Variants in EPHA6 observed in about 807,000 individuals in gnomAD.
EPHA6 encodes ephrin type-A receptor 6.
A neutral mutation model predicts 112.0 loss-of-function variants in EPHA6; 50 were observed. That is an observed-to-expected ratio of 0.45 (90% CI 0.36 to 0.56). EPHA6 has a LOEUF of 0.56. Among genes scored for constraint, EPHA6 ranks in the 20% least tolerant of loss-of-function variants. The probability of loss-of-function intolerance (pLI) is 0.00; values close to 1 mark genes in which losing one functional copy is unlikely to be tolerated. For missense variants in EPHA6, 1,280 were observed against 1,417.4 expected (o/e 0.90, Z 1.56); for synonymous variants, 529 against 490.7 (o/e 1.08, Z -1.03).
At chr3:97,124,713 T>A (rs1414463393) in intron 3 of EPHA6, among the ~76,000 whole-genome samples, 1 of 152,092 alleles carries the variant, frequency 6.6e-6, no homozygotes, top group African/African-American at 2.4e-5. Flanking sequence ...AGCTTCTAGA[T>A]ATAGAAAAAT....
intron 6 of EPHA6, among the ~76,000 whole-genome samples, chr3:97,437,179 T>A (rs184464968): frequency 1.1e-4 from 17 of 152,132 alleles, no homozygotes; most frequent in Non-Finnish European, 1.8e-4. Flanking sequence ...GTATACAACA[T>A]GATGTTATGG....
chr3:97,583,219 C>T (rs1448069563), intron 11 of EPHA6, among the ~76,000 whole-genome samples: 2 of 151,550 alleles, frequency 1.3e-5, no homozygotes, highest in African/African-American at 4.8e-5. Flanking sequence ...CTCCTTGGCA[C>T]CTGAGGTGTA....
At chr3:97,417,554 T>A (rs1056374259) in intron 6 of EPHA6, among the ~76,000 whole-genome samples, 6 of 152,112 alleles carry the variant, frequency 3.9e-5, no homozygotes, top group African/African-American at 1.4e-4. Context: ...ATACTCTTGA[T>A]GGTAATTTTG....
At chr3:97,366,442 G>A (rs1405294564) in intron 5 of EPHA6, among the ~76,000 whole-genome samples, 2 of 152,128 alleles carry the variant, frequency 1.3e-5, no homozygotes, top group Admixed American at 6.5e-5. Flanking sequence ...TTGTAAAACC[G>A]TCTTTTAAAA....
At chr3:97,134,036 A>G (rs2075707014) in intron 3 of EPHA6, among the ~76,000 whole-genome samples, 1 of 152,016 alleles carries the variant, frequency 6.6e-6, no homozygotes, top group Non-Finnish European at 1.5e-5. Context: ...TTTTCATGAA[A>G]TTTTAAAAAA....
chr3:97,554,123 A>G (rs965004443), intron 11 of EPHA6, among the ~76,000 whole-genome samples: 1 of 152,186 alleles, frequency 6.6e-6, no homozygotes, highest in Non-Finnish European at 1.5e-5. Flanking sequence ...ATAGTTGCTT[A>G]TAAATGGGGC....
rs558956206 is a variant in EPHA6 at position 97,476,612 on chromosome 3, CACCAAAAAGTATAGA to C, written c.2003+1155_2003+1169del. Among the ~76,000 whole-genome samples, 689 of 152,188 alleles carry C rather than the reference CACCAAAAAGTATAGA, an allele frequency of 4.5e-3. 1 individual carries two copies. The highest frequency in any genetic ancestry group is 7.1e-3 in the Non-Finnish European group (485 of 67,990). ...AAAATTGTCTACAATTTTGACAGCA[CACCAAAAAGTATAGA>C]ACTTGACAAGTACTTTGCATGTATC... On this transcript the variant is annotated intron_variant, in intron 8 of 17. Transcript: ENST00000389672.
At chr3:97,636,363 T>C (rs77513396) in intron 13 of EPHA6, among the ~76,000 whole-genome samples, 13,351 of 152,184 alleles carry the variant, frequency 0.088, 744 homozygotes, top group South Asian at 0.16. Context: ...GAGGCAGATT[T>C]CATCTAATAG....
intron 2 of EPHA6, among the ~76,000 whole-genome samples, chr3:96,948,466 A>T (rs137983324): frequency 6.6e-6 from 1 of 152,210 alleles, no homozygotes; most frequent in Admixed American, 6.5e-5. Flanking sequence ...GTTACTTTTT[A>T]TTTCCCTGAA....
chr3:97,001,014 A>G (rs1208448228), intron 3 of EPHA6, among the ~76,000 whole-genome samples: 1 of 145,560 alleles, frequency 6.9e-6, no homozygotes, highest in Non-Finnish European at 1.5e-5. Flanking sequence ...CCAGTCAGAA[A>G]TTGATATATA....
At chr3:97,044,307 A>G (rs76972174) in intron 3 of EPHA6, among the ~76,000 whole-genome samples, 6,306 of 152,302 alleles carry the variant, frequency 0.041, 158 homozygotes, top group Non-Finnish European at 0.066. Flanking sequence ...AAACACTTCA[A>G]GCAAGAAAAT....
At chr3:97,541,756 A>G (rs1243917982) in intron 11 of EPHA6, among the ~76,000 whole-genome samples, 1 of 131,972 alleles carries the variant, frequency 7.6e-6, no homozygotes, top group East Asian at 2.0e-4. Context: ...TTTGTTTTAA[A>G]GAAGTTTGTT....
intron 14 of EPHA6, among the ~76,000 whole-genome samples, chr3:97,676,309 T>A (rs1032309380): frequency 2.6e-5 from 4 of 152,106 alleles, no homozygotes; most frequent in African/African-American, 9.7e-5. Flanking sequence ...ATGAATGGTG[T>A]CATGGGATCC....
chr3:97,624,103 C>A (rs1301051712), intron 13 of EPHA6, among the ~76,000 whole-genome samples: 1 of 151,526 alleles, frequency 6.6e-6, no homozygotes, highest in Non-Finnish European at 1.5e-5. Context: ...CCATCCTGGC[C>A]CTCTTCATTA....
At chr3:96,848,445 G>A (rs977552894) in intron 1 of EPHA6, among the ~76,000 whole-genome samples, 24 of 151,934 alleles carry the variant, frequency 1.6e-4, no homozygotes, top group African/African-American at 5.3e-4. Flanking sequence ...AGACCAACAT[G>A]GTGAAACTCC....
At chr3:96,914,550 C>T (rs920263239) in intron 2 of EPHA6, among the ~76,000 whole-genome samples, 6 of 152,110 alleles carry the variant, frequency 3.9e-5, no homozygotes, top group Non-Finnish European at 8.8e-5. Flanking sequence ...AGAGACGAAG[C>T]GTTCCGAATA....
intron 14 of EPHA6, among the ~76,000 whole-genome samples, chr3:97,640,131 A>G (rs2107565996): frequency 6.6e-6 from 1 of 152,298 alleles, no homozygotes; most frequent in South Asian, 2.1e-4. Context: ...TGGGGGTCTT[A>G]AAAAGAACTA....
At chr3:97,566,005 C>T (rs2093261137) in intron 11 of EPHA6, among the ~76,000 whole-genome samples, 3 of 136,396 alleles carry the variant, frequency 2.2e-5, no homozygotes, top group South Asian at 2.3e-4. Flanking sequence ...GGCAACAGAG[C>T]GAGACACCGT....
chr3:97,629,016 T>C (rs1416551175), intron 13 of EPHA6, among the ~76,000 whole-genome samples: 1 of 152,006 alleles, frequency 6.6e-6, no homozygotes, highest in Non-Finnish European at 1.5e-5. Flanking sequence ...CACCGCAACC[T>C]CAAACTTCTG....
Sources: gnomAD v4.1 joint callset for allele counts (sites outside exome capture counted in the v4.1 genomes callset) on GRCh38, gnomAD v4.1.1 for gene constraint, MANE v1.5 for transcripts, NCBI Gene and HGNC (gene_info 2026-07-23, HGNC 2026-07-21) for gene names.